ARHGEF18: variants seen among roughly 807,000 people sequenced by gnomAD.
ARHGEF18 encodes rho guanine nucleotide exchange factor 18.
In ARHGEF18, 93 loss-of-function variants were observed where a neutral mutation model predicts 155.7. That is an observed-to-expected ratio of 0.60 (90% CI 0.50 to 0.71). The LOEUF is 0.71. ARHGEF18 is among the 30% of genes least tolerant of loss of function. ARHGEF18 has a pLI of 0.00. For missense variants in ARHGEF18, 1,593 were observed against 1,816.1 expected, an observed-to-expected ratio of 0.88 and a Z score of 2.23; for synonymous variants, 742 against 753.1, an observed-to-expected ratio of 0.99 and a Z score of 0.24.
At chr19:7,378,503 A>C in intron 6 of ARHGEF18, 52 bp downstream of exon 6, 1 of 1,228,722 alleles carries the variant, frequency 8.1e-7, no homozygotes, top group South Asian at 4.1e-5. Context: ...CAGGCCACAA[A>C]GTCAGGGCTG....
chr19:7,477,305 CG>C (rs1425755894), downstream of ARHGEF18: 1 of 1,565,226 alleles, frequency 6.4e-7, no homozygotes, highest in African/African-American at 1.4e-5. Flanking sequence ...CGGCGGGAAG[CG>C]GCCGGCCCAC....
At chr19:7,474,750 T>C (rs1458070146), downstream of ARHGEF18, among the ~76,000 whole-genome samples, 2 of 148,884 alleles carry the variant, frequency 1.3e-5, no homozygotes, top group East Asian at 4.0e-4. Context: ...ATGGTGGGCA[T>C]TGGAGTGTGT....
chr19:7,432,566 G>C (rs1217359432), intron 10 of ARHGEF18, among the ~76,000 whole-genome samples: 1 of 152,108 alleles, frequency 6.6e-6, no homozygotes, highest in Non-Finnish European at 1.5e-5. Context: ...GTCTCGACCT[G>C]CTGGGCTCAA....
intron 10 of ARHGEF18, among the ~76,000 whole-genome samples, chr19:7,411,782 T>A (rs192174760): frequency 7.2e-5 from 11 of 152,162 alleles, no homozygotes; most frequent in Admixed American, 1.3e-4. Flanking sequence ...CCCCAGCCCT[T>A]GGCACCCACC....
chr19:7,465,255 G>A (rs1295906494), intron 23 of ARHGEF18, among the ~76,000 whole-genome samples: 8 of 152,170 alleles, frequency 5.3e-5, no homozygotes, highest in Admixed American at 5.2e-4. Flanking sequence ...CAAGTCAGCT[G>A]ACCAGCAGGG....
intron 10 of ARHGEF18, among the ~76,000 whole-genome samples, chr19:7,401,346 C>G (rs1486981895): frequency 6.6e-6 from 1 of 152,140 alleles, no homozygotes; most frequent in Non-Finnish European, 1.5e-5. Flanking sequence ...AGTGCAGTGT[C>G]ACAATCATAG....
the ARHGEF18 span, among the ~76,000 whole-genome samples, chr19:7,479,624 C>T: frequency 6.6e-6 from 1 of 152,258 alleles, no homozygotes; most frequent in African/African-American, 2.4e-5. Flanking sequence ...CACCCACTCC[C>T]CCTGCTCACT....
At chr19:7,367,583 T>G (rs1465018096) in intron 2 of ARHGEF18, among the ~76,000 whole-genome samples, 1 of 150,892 alleles carries the variant, frequency 6.6e-6, no homozygotes, top group Non-Finnish European at 1.5e-5. Flanking sequence ...CCGTCTCTAC[T>G]AAAAATAAAA....
intron 10 of ARHGEF18, among the ~76,000 whole-genome samples, chr19:7,397,871 TTTTG>T (rs1971813124): frequency 6.6e-6 from 1 of 151,172 alleles, no homozygotes; most frequent in African/African-American, 2.4e-5. Context: ...AGCCTGTGGT[TTTTG>T]TTTTTGTTTT....
intron 2 of ARHGEF18, among the ~76,000 whole-genome samples, chr19:7,372,600 T>A (rs1049176340): frequency 2.0e-5 from 3 of 152,028 alleles, no homozygotes; most frequent in Non-Finnish European, 2.9e-5. Flanking sequence ...GGGGGTGAGC[T>A]CTTGAAGGTC....
downstream of ARHGEF18, chr19:7,477,020 C>T: frequency 2.1e-6 from 1 of 474,076 alleles, no homozygotes. Context: ...TGAAAACTGT[C>T]ACGGCTCAGG....
intron 3 of ARHGEF18, among the ~76,000 whole-genome samples, chr19:7,373,908 C>A (rs1346091272): frequency 6.8e-6 from 1 of 147,390 alleles, no homozygotes; most frequent in African/African-American, 2.6e-5. Context: ...TACAGGCTCA[C>A]ACCACCACAC....
At chr19:7,460,171 T>C (rs1015830333) in intron 20 of ARHGEF18, among the ~76,000 whole-genome samples, 177 bp downstream of exon 20, 1 of 152,104 alleles carries the variant, frequency 6.6e-6, no homozygotes, top group South Asian at 2.1e-4. Flanking sequence ...CATAGCGATC[T>C]CCAGAGGTCA....
chr19:7,379,345 G>C (rs1470561964), intron 7 of ARHGEF18, among the ~76,000 whole-genome samples, 179 bp downstream of exon 7: 1 of 152,016 alleles, frequency 6.6e-6, no homozygotes, highest in Admixed American at 6.6e-5. Flanking sequence ...GATCACCTGA[G>C]GTCAGGAGTT....
intron 10 of ARHGEF18, among the ~76,000 whole-genome samples, chr19:7,424,592 C>T (rs980491223): frequency 6.6e-6 from 1 of 152,126 alleles, no homozygotes; most frequent in African/African-American, 2.4e-5. Flanking sequence ...CATGTACACC[C>T]GTGTCAATAA....
intron 10 of ARHGEF18, among the ~76,000 whole-genome samples, chr19:7,434,375 T>C (rs1321875988): frequency 6.6e-6 from 1 of 152,178 alleles, no homozygotes; most frequent in Non-Finnish European, 1.5e-5. Flanking sequence ...TGTTTGTTGC[T>C]GAGAATAGGG....
At chr19:7,424,500 C>T (rs1368627208) in intron 10 of ARHGEF18, among the ~76,000 whole-genome samples, 4 of 152,128 alleles carry the variant, frequency 2.6e-5, no homozygotes, top group Non-Finnish European at 5.9e-5. Context: ...GAATGTCTAA[C>T]AGCAGGGAAA....
At chr19:7,372,393 G>A (rs1326219917) in intron 2 of ARHGEF18, among the ~76,000 whole-genome samples, 1 of 151,808 alleles carries the variant, frequency 6.6e-6, no homozygotes, top group Non-Finnish European at 1.5e-5. Context: ...CAAATACAAT[G>A]ACTGGGAGGA....
At chr19:7,374,008 G>A (rs866420308) in intron 3 of ARHGEF18, among the ~76,000 whole-genome samples, 13 of 151,794 alleles carry the variant, frequency 8.6e-5, no homozygotes, top group African/African-American at 2.7e-4. Flanking sequence ...AGATCCTCCC[G>A]CCTTGGCCTC....
Sources: allele counts gnomAD v4.1 joint callset (sites outside exome capture counted in the v4.1 genomes callset), GRCh38; gene constraint gnomAD v4.1.1; transcripts MANE v1.5; gene names NCBI Gene and HGNC (gene_info 2026-07-23, HGNC 2026-07-21).